Variants in SDF4 observed in about 807,000 individuals in gnomAD.
The protein encoded by SDF4 is stromal cell derived factor 4.
SDF4 carries 22 observed loss-of-function variants against 34.2 expected under a neutral mutation model. The observed-to-expected ratio is 0.64, with a 90% CI of 0.46 to 0.92. SDF4 has a LOEUF of 0.92. SDF4 is among the 40% of genes least tolerant of loss of function. The probability of loss-of-function intolerance (pLI) is 0.00; values close to 1 mark genes in which losing one functional copy is unlikely to be tolerated. For missense variants in SDF4, 447 were observed against 499.9 expected, an observed-to-expected ratio of 0.89 and a Z score of 1.01; for synonymous variants, 236 against 203.1, an observed-to-expected ratio of 1.16 and a Z score of -1.38.
rs908199083 is a variant in SDF4 at position 1,218,309 on chromosome 1, C to A, written c.891+149G>T. 1 of 818,548 alleles carries A rather than the reference C, an allele frequency of 1.2e-6. No individual in the cohort carries two copies. Among genetic ancestry groups the A allele is most frequent in the African/African-American group, 1.7e-5 (1 of 57,894 alleles). 50.7% of individuals were successfully genotyped at this position (818,548 alleles called of 1,614,324 possible). ...CAACGGCCATGCAGCCTGGTGGACA[C>A]CGCTGAGCAAACGCCCCAGTGACCA... On this transcript the variant is annotated intron_variant, in intron 6 of 6. Coordinates refer to ENST00000360001, the MANE Select transcript of SDF4 (RefSeq NM_016176.6). The surrounding 1 kb of genome is among the most constrained non-coding windows in gnomAD (Gnocchi z 7.9).
chr1:1,228,830 G>C lies in SDF4; in HGVS notation c.-58C>G. On this transcript the variant is annotated 5_prime_UTR_variant, in exon 2 of 7. Coordinates refer to ENST00000360001, the MANE Select transcript of SDF4 (RefSeq NM_016176.6). ...CAGGGTGTGGGCCAGGTGCTGGGAGGGGCAGGGGCAGGGGCAGAGGAGGAA... is the reference window on the plus strand; with the variant it reads ...CAGGGTGTGGGCCAGGTGCTGGGAGCGGCAGGGGCAGGGGCAGAGGAGGAA... 1 of 1,436,234 alleles carries C rather than the reference G, an allele frequency of 7.0e-7. No individual in the cohort carries two copies. The highest frequency in any genetic ancestry group is 9.4e-7 in the Non-Finnish European group (1 of 1,062,496). The allele number at this position is 1,436,234 out of a possible 1,614,324, so 89.0% of individuals were successfully genotyped here.
intron 3 of SDF4, 113 bp downstream of exon 3, chr1:1,223,719 T>C (rs1650115425): frequency 9.6e-7 from 1 of 1,046,452 alleles, no homozygotes; most frequent in East Asian, 2.6e-5. Flanking sequence ...GGCTGACACT[T>C]CCCCACCGCC....
At position 1,228,701 on chromosome 1, in the gene SDF4, C is replaced by A; in HGVS notation, c.72G>T (p.Leu24=). The A allele has an allele frequency of 6.2e-7, 1 of 1,612,938 alleles. No homozygotes were observed. Among genetic ancestry groups the A allele is most frequent in the Non-Finnish European group, 8.5e-7 (1 of 1,180,012 alleles). ...CCLWLLGAVL[L]MDASARPANH... The stretch of plus-strand genomic sequence containing the variant: ...TGGCAGGCCGTGCAGACGCGTCCAT[C>A]AGAAGGACTGCCCCCAGGAGCCAGA... Residue 24 remains leucine, a synonymous_variant, in exon 2 of 7, where the codon CTG becomes CTT. Transcript: ENST00000360001.
intron 4 of SDF4, chr1:1,220,237 T>G (rs79598135): frequency 9.8e-7 from 1 of 1,022,638 alleles, no homozygotes; most frequent in East Asian, 9.6e-5. Context: ...GAGACCCTCC[T>G]GGATCAGGGA....
In SDF4 at chr1:1,218,350, C is replaced by G; in HGVS notation, c.891+108G>C. The stretch of plus-strand genomic sequence containing the variant: ...CCAGTGACCAGCCCAGATGGAGTCT[C>G]AGGCCAGACACCAGCACAGCTTCCT... On this transcript the variant is annotated intron_variant, in intron 6 of 6. Coordinates refer to ENST00000360001, the MANE Select transcript of SDF4 (RefSeq NM_016176.6). The surrounding 1 kb of genome is among the most constrained non-coding windows in gnomAD (Gnocchi z 7.9). The G allele has an allele frequency of 8.1e-7, 1 of 1,238,266 alleles. No homozygotes were observed. Among genetic ancestry groups the G allele is most frequent in the South Asian group, 1.4e-5 (1 of 69,214 alleles). 76.7% of individuals were successfully genotyped at this position (1,238,266 alleles called of 1,614,324 possible).
At chr1:1,220,363 T>G (rs559622954) in intron 4 of SDF4, 3 of 1,112,970 alleles carry the variant, frequency 2.7e-6, no homozygotes, top group Non-Finnish European at 2.2e-6. Flanking sequence ...GTCCCCAGAA[T>G]CAGGTCTGAG....
intron 2 of SDF4, among the ~76,000 whole-genome samples, chr1:1,226,391 C>T (rs1375274383): frequency 8.3e-6 from 1 of 120,328 alleles, no homozygotes; most frequent in Non-Finnish European, 1.8e-5. Flanking sequence ...TTTCCAGAAA[C>T]CCTCAACCCT....
At chr1:1,229,378 T>C (rs200942247) in intron 1 of SDF4, among the ~76,000 whole-genome samples, 1 of 152,068 alleles carries the variant, frequency 6.6e-6, no homozygotes, top group Non-Finnish European at 1.5e-5. Flanking sequence ...AGTAATTTAT[T>C]TTTATTTTAC....
chr1:1,220,547 T>C (rs1187814121), intron 4 of SDF4: 2 of 1,253,884 alleles, frequency 1.6e-6, no homozygotes, highest in African/African-American at 3.1e-5. Context: ...CGGGGGGTCC[T>C]AGGCACCCTG....
chr1:1,229,060 CG>C (rs1557522743), intron 1 of SDF4, 114 bp from the exon 2 acceptor site: 8 of 497,002 alleles, frequency 1.6e-5, no homozygotes, highest in African/African-American at 1.6e-4. Flanking sequence ...CATGTGGCAT[CG>C]CCTTCTCCAG....
chr1:1,222,625 A>G (rs1650033392), intron 4 of SDF4, among the ~76,000 whole-genome samples: 1 of 152,270 alleles, frequency 6.6e-6, no homozygotes, highest in South Asian at 2.1e-4. Flanking sequence ...CCTTCAGAGT[A>G]CGGGGCAGGC....
rs1252127124 is a variant in SDF4 at position 1,218,447 on chromosome 1, C to T, written c.891+11G>A. ...GGGCCGGCTCCGGGACACGGCTGCG[C>T]CAGGGCTCACCTCCAGCTCCTCGGC... On this transcript the variant is annotated intron_variant, in intron 6 of 6. Coordinates refer to ENST00000360001, the MANE Select transcript of SDF4 (RefSeq NM_016176.6). This position sits in a 1 kb window ranked among gnomAD's most constrained non-coding sequence, Gnocchi z 7.9. 1 of 1,608,366 alleles carries T rather than the reference C, an allele frequency of 6.2e-7. No homozygotes were observed. Among genetic ancestry groups the T allele is most frequent in the Non-Finnish European group, 8.5e-7 (1 of 1,179,468 alleles).
At chr1:1,230,405 G>A (rs1169388752) in intron 1 of SDF4, among the ~76,000 whole-genome samples, 1 of 152,134 alleles carries the variant, frequency 6.6e-6, no homozygotes, top group Non-Finnish European at 1.5e-5. Context: ...AAACCAAGAG[G>A]GGTACAAGCC....
At position 1,219,472 on chromosome 1, in the gene SDF4, G is replaced by T. The variant is rs551929600; in HGVS notation, c.557-545C>A. On this transcript the variant is annotated intron_variant, in intron 4 of 6. Transcript: ENST00000360001. ...CACCCTGAAGGCTGACGTGCGCACG[G>T]CGCCGCGGGGCGAAGGACTCACTGC... The T allele has an allele frequency of 3.8e-4, 380 of 999,564 alleles. 1 individual carries two copies. The African/African-American group carries it at 6.4e-3, about 17-fold the overall frequency. 61.9% of individuals were successfully genotyped at this position (999,564 alleles called of 1,614,324 possible).
chr1:1,220,811 C>T, intron 4 of SDF4: 1 of 1,221,278 alleles, frequency 8.2e-7, no homozygotes, highest in Middle Eastern at 2.2e-4. Flanking sequence ...CGGGCAAGGC[C>T]TCCTGCCCCA....
intron 4 of SDF4, chr1:1,220,053 C>T (rs1450785136): frequency 2.0e-6 from 2 of 985,928 alleles, no homozygotes; most frequent in African/African-American, 1.7e-5. Flanking sequence ...CAAACTGAGA[C>T]CCATCCAGGA....
chr1:1,222,039 G>A (rs921452703), intron 4 of SDF4, among the ~76,000 whole-genome samples: 1 of 152,248 alleles, frequency 6.6e-6, no homozygotes, highest in Non-Finnish European at 1.5e-5. Flanking sequence ...AAATAAAGGT[G>A]TAAGATACAC....
At chr1:1,227,035 G>C (rs1638335684) in intron 2 of SDF4, among the ~76,000 whole-genome samples, 1 of 152,190 alleles carries the variant, frequency 6.6e-6, no homozygotes, top group Admixed American at 6.5e-5. Flanking sequence ...GAGGTGCAAG[G>C]GGACACCACA....
intron 4 of SDF4, chr1:1,219,201 GGA>G: frequency 1.6e-6 from 2 of 1,268,806 alleles, no homozygotes; most frequent in Non-Finnish European, 2.0e-6. Context: ...AAGACAGCCT[GGA>G]CCCCCCCCTG....
Sources: gnomAD v4.1 joint callset for allele counts (sites outside exome capture counted in the v4.1 genomes callset) on GRCh38, gnomAD v4.1.1 for gene constraint, Gnocchi (gnomAD v3.1) non-coding constraint, MANE v1.5 for transcripts, NCBI Gene and HGNC (gene_info 2026-07-23, HGNC 2026-07-21) for gene names.